ZNF700: variants seen among roughly 807,000 people sequenced by gnomAD.
ZNF700 encodes the protein zinc finger protein 700.
ZNF700 carries 38 observed loss-of-function variants against 65.3 expected under a neutral mutation model. That is an observed-to-expected ratio of 0.58 (90% CI 0.45 to 0.76). ZNF700 has a LOEUF of 0.76. ZNF700 is among the 30% of genes least tolerant of loss of function. ZNF700 has a pLI of 0.00. For missense variants in ZNF700, 857 were observed against 888.4 expected (o/e 0.96, Z 0.45); for synonymous variants, 285 against 290.4 (o/e 0.98, Z 0.19).
At chr19:11,939,345 T>G (rs1972844589) in intron 1 of ZNF700, among the ~76,000 whole-genome samples, 1 of 152,206 alleles carries the variant, frequency 6.6e-6, no homozygotes, top group Non-Finnish European at 1.5e-5. Flanking sequence ...CTTCTAGGGT[T>G]TTTATGGTTT....
At chr19:11,947,478 CT>C in intron 2 of ZNF700, 35 bp from the exon 3 acceptor site, 1 of 1,606,242 alleles carries the variant, frequency 6.2e-7, no homozygotes, top group Non-Finnish European at 8.5e-7. Context: ...CAATTTTATA[CT>C]GCTTCAGGAC....
Position 11,944,231 on chromosome 19 carries a change from G to A in ZNF700, c.64-2950G>A, listed in dbSNP as rs137883966. 2.3e-3 allele frequency among the ~76,000 whole-genome samples: 354 copies of A among 152,274 alleles called. 4 individuals carry two copies. The highest frequency in any genetic ancestry group is 7.9e-3 in the African/African-American group (330 of 41,550). On this transcript the variant is annotated intron_variant, in intron 1 of 3. Coordinates refer to ENST00000254321, the MANE Select transcript of ZNF700 (RefSeq NM_144566.3). ...TAATTTCACCTAATTCTCAGGGAGT[G>A]CCTGGAAGTCCCCATACTATGGGAG... is the stretch of plus-strand genomic sequence containing the variant.
chr19:11,950,667 C>A lies in ZNF700; in HGVS notation c.*414C>A. 1 of 293,860 alleles carries A rather than the reference C, an allele frequency of 3.4e-6. No individual in the cohort carries two copies. Among genetic ancestry groups the A allele is most frequent in the Non-Finnish European group, 6.8e-6 (1 of 147,610 alleles). 18.2% of individuals were successfully genotyped at this position (293,860 alleles called of 1,614,324 possible). A position where few individuals can be genotyped will look rare whatever the true frequency, so the allele number is the denominator to read the frequency against. On this transcript the variant is annotated 3_prime_UTR_variant, in exon 4 of 4. Coordinates refer to ENST00000254321, the MANE Select transcript of ZNF700 (RefSeq NM_144566.3). ...CAGATCTGCCAAGATTCTTTGAATA[C>A]AGATAATTAATGTAAACAATTATCA... is the stretch of plus-strand genomic sequence containing the variant.
intron 1 of ZNF700, among the ~76,000 whole-genome samples, chr19:11,941,453 C>T (rs12981534): frequency 6.6e-6 from 1 of 152,230 alleles, no homozygotes; most frequent in African/African-American, 2.4e-5. Context: ...GGGAAGGCAG[C>T]TAAGGCCGGG....
In ZNF700 at chr19:11,949,023, G is replaced by A. The variant is rs146292836; in HGVS notation, c.999G>A (p.Pro333=). Residue 333 remains proline (P), a synonymous_variant, in exon 4 of 4, where the codon CCG becomes CCA. Transcript: ENST00000254321. ...RHERTHSGKK[P]YECKQYGEGL... The stretch of plus-strand genomic sequence containing the variant: ...AAAGGACCCACTCTGGGAAAAAACC[G>A]TATGAATGTAAGCAATATGGGGAAG... 5.2e-4 allele frequency: 841 copies of A among 1,606,532 alleles called. 9 individuals are homozygous for A. In the Admixed American group the frequency reaches 0.013, roughly 25 times the overall value.
At chr19:11,940,722 T>C (rs1476369589) in intron 1 of ZNF700, among the ~76,000 whole-genome samples, 2 of 152,192 alleles carry the variant, frequency 1.3e-5, no homozygotes, top group African/African-American at 2.4e-5. Flanking sequence ...TATTCTCTTA[T>C]CTGGCCCCAC....
At position 11,950,106 on chromosome 19, in the gene ZNF700, T is replaced by TG; in HGVS notation, c.2083dup (p.Ala695GlyfsTer11). On this transcript the variant is annotated frameshift_variant, in exon 4 of 4. Coordinates refer to ENST00000254321, the MANE Select transcript of ZNF700 (RefSeq NM_144566.3). LOFTEE classifies it high-confidence loss of function. ...CATCTGCCAAGATTCTTCAAATACA[T>TG]GCAAGAACACACATTGGAGAGAAAC... The TG allele has an allele frequency of 6.2e-7, 1 of 1,614,112 alleles. No individual in the cohort carries two copies. The highest frequency in any genetic ancestry group is 8.5e-7 in the Non-Finnish European group (1 of 1,179,986).
chr19:11,949,726 C>T lies in ZNF700; in HGVS notation c.1702C>T (p.Gln568Ter), dbSNP rs771342584. The stretch of plus-strand genomic sequence containing the variant: ...TGGAGAGAAACCCTATGAGTGTAAG[C>T]AATGTGGGAAAGCCTTCAGATCTGC... ...HTGEKPYECKQCGKAFRSASH... is the reference protein window; with the variant it reads ...HTGEKPYECK Residue 568 changes from glutamine to a stop codon, truncating the protein, a stop_gained, in exon 4 of 4, where the codon CAA (glutamine) becomes TAA (stop). Coordinates refer to ENST00000254321, the MANE Select transcript of ZNF700 (RefSeq NM_144566.3). LOFTEE classifies it high-confidence loss of function. The T allele has an allele frequency of 1.9e-6, 3 of 1,610,134 alleles. No homozygotes were observed. Among genetic ancestry groups the T allele is most frequent in the Non-Finnish European group, 8.5e-7 (1 of 1,178,996 alleles).
chr19:11,948,876 T>C lies in ZNF700; in HGVS notation c.852T>C (p.Asp284=), dbSNP rs200146069. 9.4e-6 allele frequency: 15 copies of C among 1,603,362 alleles called. No individual in the cohort carries two copies. The Admixed American group carries it at 2.0e-4, about 21-fold the overall frequency. The part of the protein sequence containing the change: ...GEKPYECSKC[D]KAFHSSSSYH... Reference sequence around the variant, plus strand: ...AGCCCTATGAATGTAGCAAATGTGATAAAGCATTTCATAGTTCTAGTTCCT... The same window carrying C: ...AGCCCTATGAATGTAGCAAATGTGACAAAGCATTTCATAGTTCTAGTTCCT... The change falls in exon 4 of 4, where the codon GAT becomes GAC. Residue 284 remains aspartate (D), a synonymous_variant. Transcript: ENST00000254321.
intron 3 of ZNF700, among the ~76,000 whole-genome samples, chr19:11,948,051 T>A (rs376030478): frequency 1.3e-5 from 2 of 152,288 alleles, no homozygotes; most frequent in African/African-American, 4.8e-5. Flanking sequence ...TGTAAAATAG[T>A]TTACATGGGA....
chr19:11,947,363 C>A, intron 2 of ZNF700, 56 bp downstream of exon 2: 2 of 1,610,780 alleles, frequency 1.2e-6, no homozygotes, highest in Non-Finnish European at 1.7e-6. Context: ...GTTTCTAGCT[C>A]ATGAATGCTG....
chr19:11,937,413 A>G (rs1286418404), intron 1 of ZNF700, among the ~76,000 whole-genome samples: 1 of 151,980 alleles, frequency 6.6e-6, no homozygotes, highest in Non-Finnish European at 1.5e-5. Context: ...GCTGGGCTCA[A>G]ATGACCTGTC....
Position 11,948,494 on chromosome 19 carries a change from A to G in ZNF700, c.470A>G (p.Gln157Arg), listed in dbSNP as rs1568297532. The G allele has an allele frequency of 1.9e-6, 3 of 1,614,056 alleles. No homozygotes were observed. Among genetic ancestry groups the G allele is most frequent in the Non-Finnish European group, 2.5e-6 (3 of 1,179,994 alleles). ...ACTGGACACAAGGCATATGAGTATC[A>G]GGAATATGGACCAAAGCCATATAAG... ...GDTGHKAYEY[Q>R]EYGPKPYKCQ... The change falls in exon 4 of 4, where the codon CAG becomes CGG. Residue 157 changes from glutamine to arginine, a missense_variant. By Grantham distance (43) the Gln-to-Arg change is conservative. Around this residue, in one of 3 missense-constraint regions of ZNF700, gnomAD observed 603 missense variants for 619.9 expected, o/e 0.97. Coordinates refer to ENST00000254321, the MANE Select transcript of ZNF700 (RefSeq NM_144566.3).
intron 1 of ZNF700, among the ~76,000 whole-genome samples, chr19:11,925,850 G>A (rs1972618862): frequency 6.6e-6 from 1 of 152,216 alleles, no homozygotes; most frequent in South Asian, 2.1e-4. Flanking sequence ...ACAACCCCAA[G>A]CAGCCTGGAG....
intron 1 of ZNF700, among the ~76,000 whole-genome samples, chr19:11,930,216 C>G (rs1972693950): frequency 6.7e-6 from 1 of 148,404 alleles, no homozygotes; most frequent in Non-Finnish European, 1.5e-5. Context: ...GACACATGGC[C>G]AATCAGCTAA....
At chr19:11,944,381 A>G (rs146132960) in intron 1 of ZNF700, among the ~76,000 whole-genome samples, 1,731 of 152,262 alleles carry the variant, frequency 0.011, 17 homozygotes, top group Admixed American at 0.018. Flanking sequence ...CACTTTCCCT[A>G]AACTATTTTT....
intron 1 of ZNF700, among the ~76,000 whole-genome samples, chr19:11,944,380 T>C (rs1457227151): frequency 6.6e-6 from 1 of 152,198 alleles, no homozygotes; most frequent in Non-Finnish European, 1.5e-5. Flanking sequence ...ACACTTTCCC[T>C]AAACTATTTT....
chr19:11,938,600 A>G (rs144448014), intron 1 of ZNF700, among the ~76,000 whole-genome samples: 101 of 152,284 alleles, frequency 6.6e-4, no homozygotes, highest in African/African-American at 2.3e-3. Flanking sequence ...TTCCATGTGT[A>G]TATGTGCCAC....
intron 1 of ZNF700, among the ~76,000 whole-genome samples, chr19:11,936,871 G>A (rs1201822479): frequency 6.6e-6 from 1 of 152,174 alleles, no homozygotes; most frequent in African/African-American, 2.4e-5. Context: ...TGTGTAAGGT[G>A]TAAGGAAGGG....
Sources: gnomAD v4.1 joint callset for allele counts (sites outside exome capture counted in the v4.1 genomes callset) on GRCh38, gnomAD v4.1.1 for gene constraint, gnomAD v4.1.1 regional missense constraint, MANE v1.5 for transcripts, NCBI Gene and HGNC (gene_info 2026-07-23, HGNC 2026-07-21) for gene names.